The following MAPK10 variants were observed in gnomAD, a reference collection of about 807,000 sequenced individuals.
The protein encoded by MAPK10 is JNK3 alpha protein kinase.
Under a neutral mutation model 59.3 loss-of-function variants are expected in MAPK10, and 25 were observed. The observed-to-expected ratio is 0.42, with a 90% CI of 0.31 to 0.59. The LOEUF (loss-of-function observed/expected upper bound fraction) is 0.59, where lower values mean the gene tolerates loss of function less well. Among genes scored for constraint, MAPK10 ranks in the 20% least tolerant of loss-of-function variants. MAPK10 has a pLI of 0.15. For synonymous variants in MAPK10, 190 were observed against 200.5 expected, an observed-to-expected ratio of 0.95 and a Z score of 0.44; for missense variants, 351 against 568.9, an observed-to-expected ratio of 0.62 and a Z score of 3.90.
At chr4:86,092,145 A>G (rs112125311) in intron 9 of MAPK10, among the ~76,000 whole-genome samples, 227 of 152,302 alleles carry the variant, frequency 1.5e-3, no homozygotes, top group African/African-American at 5.3e-3. Context: ...TTGCATAAAA[A>G]TAATGCAGAG....
chr4:86,405,553 T>C (rs1377811422), intron 1 of MAPK10, among the ~76,000 whole-genome samples: 1 of 152,254 alleles, frequency 6.6e-6, no homozygotes, highest in African/African-American at 2.4e-5. Context: ...ACACATAAAA[T>C]TGCTCTCAAA....
intron 9 of MAPK10, among the ~76,000 whole-genome samples, chr4:86,094,928 G>A (rs570619032): frequency 4.6e-5 from 7 of 151,878 alleles, no homozygotes; most frequent in Admixed American, 2.6e-4. Context: ...ATTTAAATAT[G>A]AATGTGCATT....
At chr4:86,397,592 A>T (rs1457665268) in intron 1 of MAPK10, among the ~76,000 whole-genome samples, 1 of 152,042 alleles carries the variant, frequency 6.6e-6, no homozygotes, top group African/African-American at 2.4e-5. Context: ...GTGCTTGTTA[A>T]CTTCCCCTGG....
chr4:86,247,695 T>A (rs1411765378), intron 2 of MAPK10, among the ~76,000 whole-genome samples: 1 of 151,938 alleles, frequency 6.6e-6, no homozygotes, highest in Non-Finnish European at 1.5e-5. Flanking sequence ...ATACAGAAAA[T>A]GGAATTTCTA....
chr4:86,384,108 G>A (rs1424567655), intron 1 of MAPK10: 3 of 151,986 alleles, frequency 2.0e-5, no homozygotes, highest in Non-Finnish European at 4.4e-5. Flanking sequence ...ACCTTTTACC[G>A]TGACTTCATT....
At chr4:86,319,663 G>C (rs1242770651) in intron 2 of MAPK10, among the ~76,000 whole-genome samples, 4 of 152,110 alleles carry the variant, frequency 2.6e-5, no homozygotes, top group African/African-American at 7.2e-5. Flanking sequence ...CTTCTTTATG[G>C]CTGGGGCCTT....
chr4:86,260,516 A>T (rs2093945266), intron 2 of MAPK10, among the ~76,000 whole-genome samples: 2 of 152,160 alleles, frequency 1.3e-5, no homozygotes, highest in South Asian at 4.2e-4. Context: ...TTCTACGAGG[A>T]CCTTAAAGAT....
At chr4:86,319,303 G>C (rs2095846800) in intron 2 of MAPK10, among the ~76,000 whole-genome samples, 1 of 151,948 alleles carries the variant, frequency 6.6e-6, no homozygotes, top group Non-Finnish European at 1.5e-5. Flanking sequence ...AACAGAACAG[G>C]AATTATAGAG....
At position 86,016,858 on chromosome 4, in the gene MAPK10, G is replaced by T; in HGVS notation, c.*370C>A. On this transcript the variant is annotated 3_prime_UTR_variant, in exon 14 of 14. Coordinates refer to ENST00000641462, the MANE Select transcript of MAPK10 (RefSeq NM_138982.4). ...TAGAGACACACACATGCTGGATGGG[G>T]CCACTGCACACCTTGTCATGCCATT... The T allele has an allele frequency of 4.6e-6, 1 of 217,050 alleles. No homozygotes were observed. The highest frequency in any genetic ancestry group is 9.4e-6 in the Non-Finnish European group (1 of 106,724). 13.4% of individuals were successfully genotyped at this position (217,050 alleles called of 1,614,324 possible). A position where few individuals can be genotyped will look rare whatever the true frequency, so the allele number is the denominator to read the frequency against.
At chr4:86,120,341 G>A (rs1177263141) in intron 4 of MAPK10, 1 of 152,190 alleles carries the variant, frequency 6.6e-6, no homozygotes. Flanking sequence ...CGTATCAAAA[G>A]CAGGAACTTC....
At chr4:86,064,052 G>A (rs926223507) in intron 11 of MAPK10, among the ~76,000 whole-genome samples, 1 of 152,078 alleles carries the variant, frequency 6.6e-6, no homozygotes, top group Non-Finnish European at 1.5e-5. Context: ...AGGTTTGTAG[G>A]ACTAAATCAT....
At chr4:86,191,278 G>A (rs1328250397) in intron 3 of MAPK10, among the ~76,000 whole-genome samples, 3 of 152,138 alleles carry the variant, frequency 2.0e-5, no homozygotes, top group Non-Finnish European at 4.4e-5. Flanking sequence ...GTCCAGAGCT[G>A]CATTCAAGTC....
rs2149071513 is a variant in MAPK10 at position 86,101,091 on chromosome 4, C to T, written c.691G>A (p.Ala231Thr). 6.2e-7 allele frequency: 1 copy of T among 1,613,964 alleles called. No homozygotes were observed. The highest frequency in any genetic ancestry group is 1.7e-5 in the Admixed American group (1 of 59,986). Residue 231 changes from alanine to threonine, a missense_variant, in exon 8 of 14, where the codon GCC becomes ACC. Transcript: ENST00000641462. ...TPYVVTRYYR[A>T]PEVILGMGYK... is the part of the protein sequence containing the mutation. ...CCCATCCCCAGGATGACCTCAGGGG[C>T]TCTGTAATAACGTGTCACCACATAT...
chr4:86,594,004 A>C (rs1213583658), exon 1 of MAPK10: 1 of 152,172 alleles, frequency 6.6e-6, no homozygotes, highest in East Asian at 1.9e-4. Flanking sequence ...AACTTGGCCT[A>C]AAAGTTGGAG....
In MAPK10 at chr4:86,469,908, A is replaced by C. The variant is rs148276720; in HGVS notation, c.-262-115264T>G. On this transcript the variant is annotated intron_variant, in intron 1 of 4. Coordinates refer to the MAPK10 transcript ENST00000502302. Reference sequence around the variant, plus strand: ...AGTATTTGATGACTGAGAATTGCATAGGGCAATGAGGCTTTTTCTAAAAGC... The same window carrying C: ...AGTATTTGATGACTGAGAATTGCATCGGGCAATGAGGCTTTTTCTAAAAGC... 4.2e-4 allele frequency among the ~76,000 whole-genome samples: 64 copies of C among 152,356 alleles called. No individual in the cohort carries two copies. In the Middle Eastern group the frequency reaches 0.01, roughly 24 times the overall value.
At position 86,070,498 on chromosome 4, in the gene MAPK10, G is replaced by A. The variant is rs539034670; in HGVS notation, c.803-2543C>T. Among the ~76,000 whole-genome samples the A allele has an allele frequency of 5.3e-5, 8 of 149,678 alleles. No individual in the cohort carries two copies. The East Asian group carries it at 5.9e-4, about 11-fold the overall frequency. On this transcript the variant is annotated intron_variant, in intron 9 of 13. Coordinates refer to ENST00000641462, the MANE Select transcript of MAPK10 (RefSeq NM_138982.4). ...GCTGGTGCGCTGCACCCACTAACTC[G>A]TCATCTAGCATTAGGTATATCTCCC...
intron 2 of MAPK10, among the ~76,000 whole-genome samples, chr4:86,208,098 A>G (rs1318682650): frequency 1.3e-5 from 2 of 152,176 alleles, no homozygotes; most frequent in Non-Finnish European, 2.9e-5. Flanking sequence ...GCAATCATCA[A>G]TAGCTTACCA....
At position 86,330,970 on chromosome 4, in the gene MAPK10, A is replaced by G. The variant is rs1470190746; in HGVS notation, c.-7+23560T>C. Among the ~76,000 whole-genome samples, 4 of 152,242 alleles carry G rather than the reference A, an allele frequency of 2.6e-5. No individual in the cohort carries two copies. The East Asian group carries it at 7.7e-4, about 29-fold the overall frequency. ...TCCTTTTCATCCTCATCTTAGAATT[A>G]TAGCACAATAGCTAGCATGTAATAG... On this transcript the variant is annotated intron_variant, in intron 2 of 13. Transcript: ENST00000641462.
intron 2 of MAPK10, chr4:86,277,327 G>T (rs945230758): frequency 6.6e-6 from 1 of 151,940 alleles, no homozygotes; most frequent in East Asian, 1.9e-4. Flanking sequence ...ATTACCCACT[G>T]GGGGGAAGAA....
Sources: allele counts gnomAD v4.1 joint callset (sites outside exome capture counted in the v4.1 genomes callset), GRCh38; gene constraint gnomAD v4.1.1; transcripts MANE v1.5; gene names NCBI Gene and HGNC (gene_info 2026-07-23, HGNC 2026-07-21).